ABCC9: variants seen among roughly 807,000 people sequenced by gnomAD.
ABCC9 encodes the protein ATP binding cassette subfamily C member 9, also known as ATP-binding cassette sub-family C member 9.
In ABCC9, 95 loss-of-function variants were observed where a neutral mutation model predicts 188.3. The ratio of observed to expected loss-of-function variants is 0.50; its 90% CI spans 0.43 to 0.60. The LOEUF (loss-of-function observed/expected upper bound fraction) is 0.60, where lower values mean the gene tolerates loss of function less well. ABCC9 is among the 20% of genes least tolerant of loss of function. The probability of loss-of-function intolerance (pLI) is 0.00; values close to 1 mark genes in which losing one functional copy is unlikely to be tolerated. For missense variants in ABCC9, 1,102 were observed against 1,876.3 expected (o/e 0.59, Z 7.62); for synonymous variants, 659 against 652.7 (o/e 1.01, Z -0.15).
rs535477725 is a variant in ABCC9, at chr12:21,864,483, A to G, written c.2199-6T>C. On this transcript the variant is annotated splice_region_variant and splice_polypyrimidine_tract_variant and intron_variant, in intron 18 of 39. Coordinates refer to ENST00000261200, the MANE Select transcript of ABCC9 (RefSeq NM_020297.4). ...AAGGCTCAGATTCATTTACACTGCA[A>G]GTATGGCAAACAATGTTCATTAATT... is the stretch of plus-strand genomic sequence containing the variant. 54 of 1,580,820 alleles carry G rather than the reference A, an allele frequency of 3.4e-5. No individual in the cohort carries two copies. In the Middle Eastern group the frequency reaches 2.2e-3, roughly 64 times the overall value.
chr12:21,808,878 T>TC (rs1205932730), intron 37 of ABCC9, among the ~76,000 whole-genome samples: 1 of 151,982 alleles, frequency 6.6e-6, no homozygotes, highest in African/African-American at 2.4e-5. Context: ...AATAAAACAT[T>TC]CCTTAAAGAC....
chr12:21,894,103 G>T lies in ABCC9; in HGVS notation c.1731C>A (p.Leu577=). The T allele has an allele frequency of 6.2e-7, 1 of 1,614,092 alleles. No individual in the cohort carries two copies. The highest frequency in any genetic ancestry group is 8.5e-7 in the Non-Finnish European group (1 of 1,180,004). The part of the protein sequence containing the change: ...KPAEAFASLS[L]FHILVTPLFL... Reference sequence around the variant, plus strand: ...ACAGTGGTGTGACCAGGATATGGAAGAGAGACAGTGAAGCAAAGGCCTCTG... The same window carrying T: ...ACAGTGGTGTGACCAGGATATGGAATAGAGACAGTGAAGCAAAGGCCTCTG... Residue 577 remains leucine (L), a synonymous_variant, in exon 14 of 40, where the codon CTC becomes CTA. Coordinates refer to ENST00000261200, the MANE Select transcript of ABCC9 (RefSeq NM_020297.4).
chr12:21,900,127 C>T (rs1592183051), intron 12 of ABCC9, among the ~76,000 whole-genome samples: 1 of 152,202 alleles, frequency 6.6e-6, no homozygotes, highest in African/African-American at 2.4e-5. Context: ...GAGGACCGAT[C>T]AGGCAGCAAC....
rs369597360 is a variant in ABCC9 at position 21,910,967 on chromosome 12, G to A, written c.1023C>T (p.Thr341=). 1 of 1,611,764 alleles carries A rather than the reference G, an allele frequency of 6.2e-7. No individual in the cohort carries two copies. The highest frequency in any genetic ancestry group is 1.7e-5 in the Admixed American group (1 of 59,810). ...GTNNTTGISE[T]LSSKEFLENA... The stretch of plus-strand genomic sequence containing the variant: ...TTTCAAGAAATTCCTTTGATGAGAG[G>A]GTTTCTGAAATCTGGTCCCCAAAGA... Residue 341 remains threonine (T), a synonymous_variant, in exon 9 of 40, where the codon ACC becomes ACT. Coordinates refer to ENST00000261200, the MANE Select transcript of ABCC9 (RefSeq NM_020297.4).
intron 29 of ABCC9, 116 bp from the exon 30 acceptor site, chr12:21,838,286 T>G: frequency 1.2e-6 from 1 of 826,052 alleles, no homozygotes; most frequent in East Asian, 2.5e-5. Context: ...CATTGAAATT[T>G]TTTCCCCTAG....
chr12:21,838,521 T>C (rs778494236), intron 29 of ABCC9, among the ~76,000 whole-genome samples: 3 of 152,166 alleles, frequency 2.0e-5, no homozygotes, highest in Non-Finnish European at 4.4e-5. Context: ...GGCGAGACCT[T>C]AAGCTTGATG....
chr12:21,868,404 C>A lies in ABCC9; in HGVS notation c.2199-3927G>T, dbSNP rs1037059393. On this transcript the variant is annotated intron_variant, in intron 18 of 39. Transcript: ENST00000261200. Reference sequence around the variant, plus strand: ...CCTGTAATCCCAACACTTTGGGAGGCCGAGACAGGCGGATTATGAGGTCAG... The same window carrying A: ...CCTGTAATCCCAACACTTTGGGAGGACGAGACAGGCGGATTATGAGGTCAG... Among the ~76,000 whole-genome samples, 9 of 152,132 alleles carry A rather than the reference C, an allele frequency of 5.9e-5. No individual in the cohort carries two copies. The East Asian group carries it at 1.7e-3, about 29-fold the overall frequency.
chr12:21,923,970 C>A (rs1948945094), intron 5 of ABCC9: 1 of 546,994 alleles, frequency 1.8e-6, no homozygotes, highest in Non-Finnish European at 3.2e-6. Flanking sequence ...GGATGAGCAT[C>A]AAAAAATCAT....
At chr12:21,923,754 AGAGATTTCACTCTTAGGTATTTACCTAG>A (rs1193687258) in intron 5 of ABCC9, 1 of 676,162 alleles carries the variant, frequency 1.5e-6, no homozygotes, top group East Asian at 2.7e-5. Context: ...TGTATGACCC[AGAGATTTCACTCTTAGGTATTTACCTAG>A]GAGAAATAAA....
At chr12:21,911,195 A>C (rs1376519848) in intron 8 of ABCC9, among the ~76,000 whole-genome samples, 1 of 151,978 alleles carries the variant, frequency 6.6e-6, no homozygotes, top group African/African-American at 2.4e-5. Flanking sequence ...AAAAGGTAGA[A>C]TTTATTTTTA....
At chr12:21,926,954 T>C (rs1949068818) in intron 4 of ABCC9, among the ~76,000 whole-genome samples, 1 of 152,166 alleles carries the variant, frequency 6.6e-6, no homozygotes, top group African/African-American at 2.4e-5. Context: ...CTTGAAGATA[T>C]TAGTACATAA....
At chr12:21,811,993 T>A (rs1264007359) in intron 36 of ABCC9, 56 bp downstream of exon 36, 6 of 1,283,906 alleles carry the variant, frequency 4.7e-6, no homozygotes, top group Non-Finnish European at 6.8e-6. Context: ...AAAACCTTTC[T>A]ATGAGTCAAA....
chr12:21,882,148 C>T (rs113702489), intron 16 of ABCC9, among the ~76,000 whole-genome samples: 1 of 152,152 alleles, frequency 6.6e-6, no homozygotes, highest in Non-Finnish European at 1.5e-5. Flanking sequence ...CCAATGCAGC[C>T]AGTTTGCTAA....
At position 21,913,178 on chromosome 12, in the gene ABCC9, G is replaced by C; in HGVS notation, c.817-112C>G. 4 of 965,040 alleles carry C rather than the reference G, an allele frequency of 4.1e-6. No individual in the cohort carries two copies. In the South Asian group the frequency reaches 5.1e-5, roughly 12 times the overall value. The allele number at this position is 965,040 out of a possible 1,614,324, so 59.8% of individuals were successfully genotyped here. ...TCTTATACTTCAAAAATACTTTAAG[G>C]GTTTAAAAATTGATGTTAATGTGTG... On this transcript the variant is annotated intron_variant, in intron 7 of 39. Coordinates refer to ENST00000261200, the MANE Select transcript of ABCC9 (RefSeq NM_020297.4).
At chr12:21,881,456 A>G (rs1260504547) in intron 16 of ABCC9, among the ~76,000 whole-genome samples, 2 of 152,190 alleles carry the variant, frequency 1.3e-5, no homozygotes, top group Non-Finnish European at 2.9e-5. Context: ...AAAATTCATA[A>G]TAGTCTCTCT....
chr12:21,935,972 C>T (rs1305913477), intron 3 of ABCC9, among the ~76,000 whole-genome samples: 1 of 152,152 alleles, frequency 6.6e-6, no homozygotes, highest in African/African-American at 2.4e-5. Flanking sequence ...TGAATGTCCT[C>T]TTTCTACATA....
At chr12:21,841,039 A>G (rs1944357543) in intron 29 of ABCC9, among the ~76,000 whole-genome samples, 1 of 152,174 alleles carries the variant, frequency 6.6e-6, no homozygotes, top group Admixed American at 6.5e-5. Flanking sequence ...TATATGTTTT[A>G]TCTTCCTTAG....
At chr12:21,855,717 CA>C (rs1193388038) in intron 22 of ABCC9, among the ~76,000 whole-genome samples, 2 of 152,100 alleles carry the variant, frequency 1.3e-5, no homozygotes, top group Non-Finnish European at 2.9e-5. Flanking sequence ...AAAGATGCAA[CA>C]AAATAATGTA....
intron 6 of ABCC9, 118 bp downstream of exon 6, chr12:21,916,819 T>TATATAA: frequency 1.2e-6 from 1 of 847,434 alleles, no homozygotes; most frequent in Non-Finnish European, 1.7e-6. Flanking sequence ...TATATTTATA[T>TATATAA]ATATAAATCA....
Sources: gnomAD v4.1 joint callset for allele counts (sites outside exome capture counted in the v4.1 genomes callset) on GRCh38, gnomAD v4.1.1 for gene constraint, MANE v1.5 for transcripts, NCBI Gene and HGNC (gene_info 2026-07-23, HGNC 2026-07-21) for gene names.